Variants in PARD3B observed in about 807,000 individuals in gnomAD.
PARD3B encodes the protein partitioning defective 3 homolog B.
Under a neutral mutation model 130.2 loss-of-function variants are expected in PARD3B, and 103 were observed. The ratio of observed to expected loss-of-function variants is 0.79; its 90% CI spans 0.67 to 0.93. The LOEUF (loss-of-function observed/expected upper bound fraction) is 0.93, where lower values mean the gene tolerates loss of function less well. PARD3B is among the 40% of genes least tolerant of loss of function. The pLI, the probability that PARD3B is intolerant of heterozygous loss-of-function variation, is 0.00. For missense variants in PARD3B, 1,609 were observed against 1,499.2 expected, an observed-to-expected ratio of 1.07 and a Z score of -1.21; for synonymous variants, 583 against 553.2, an observed-to-expected ratio of 1.05 and a Z score of -0.76.
intron 20 of PARD3B, among the ~76,000 whole-genome samples, chr2:205,441,733 A>T (rs564396795): frequency 6.6e-6 from 1 of 152,280 alleles, no homozygotes; most frequent in South Asian, 2.1e-4. Flanking sequence ...AAATCATGGC[A>T]TTTTTATGCA....
intron 1 of PARD3B, among the ~76,000 whole-genome samples, chr2:204,632,903 C>T (rs556225537): frequency 1.1e-4 from 16 of 152,332 alleles, no homozygotes; most frequent in African/African-American, 2.6e-4. Context: ...TTGTTCCCCT[C>T]GGTGAGTGCC....
At chr2:204,808,727 C>T (rs953929216) in intron 2 of PARD3B, among the ~76,000 whole-genome samples, 10 of 152,092 alleles carry the variant, frequency 6.6e-5, no homozygotes, top group Non-Finnish European at 1.0e-4. Context: ...TGTATCCAGT[C>T]TGTGATGATA....
At position 205,460,387 on chromosome 2, in the gene PARD3B, T is replaced by C. The variant is rs2048409572; in HGVS notation, c.3044+19715T>C. On this transcript the variant is annotated intron_variant, in intron 20 of 22. Transcript: ENST00000406610. The surrounding 1 kb of genome is among the most constrained non-coding windows in gnomAD (Gnocchi z 4.9). ...ATGAGGATTATCAAGACTAAGGATG[T>C]TGATAGTGATGATGATGATGATGAT... Among the ~76,000 whole-genome samples the C allele has an allele frequency of 7.5e-6, 1 of 133,052 alleles. No individual in the cohort carries two copies. The highest frequency in any genetic ancestry group is 1.6e-5 in the Non-Finnish European group (1 of 63,194). 87.3% of individuals were successfully genotyped at this position (133,052 alleles called of 152,430 possible).
Position 205,525,068 on chromosome 2 carries a change from G to A in PARD3B, c.3180+25037G>A, listed in dbSNP as rs960488592. On this transcript the variant is annotated intron_variant, in intron 21 of 22. Coordinates refer to ENST00000406610, the MANE Select transcript of PARD3B (RefSeq NM_001302769.2). This position sits in a 1 kb window ranked among gnomAD's most constrained non-coding sequence, Gnocchi z 4.2. ...AGTGATGAACCATGGCAAGAACCAG[G>A]ACAGTTTTATTGCCTCACAAAGGCT... is the stretch of plus-strand genomic sequence containing the variant. Among the ~76,000 whole-genome samples, 4 of 152,180 alleles carry A rather than the reference G, an allele frequency of 2.6e-5. No homozygotes were observed. Among genetic ancestry groups the A allele is most frequent in the African/African-American group, 9.7e-5 (4 of 41,430 alleles).
At chr2:205,095,637 G>C (rs1702349807) in intron 4 of PARD3B, among the ~76,000 whole-genome samples, 1 of 152,106 alleles carries the variant, frequency 6.6e-6, no homozygotes, top group Non-Finnish European at 1.5e-5. Context: ...TCTCACAAAT[G>C]AAACAGAATT....
intron 4 of PARD3B, among the ~76,000 whole-genome samples, chr2:205,054,301 C>T (rs1387682211): frequency 6.7e-6 from 1 of 149,186 alleles, no homozygotes. Context: ...GTGTGCTCCC[C>T]GATTTTTCTT....
chr2:205,203,975 G>C (rs1345135515), intron 15 of PARD3B, among the ~76,000 whole-genome samples: 2 of 152,114 alleles, frequency 1.3e-5, no homozygotes, highest in Non-Finnish European at 2.9e-5. Flanking sequence ...CCCAGTAATG[G>C]GATGGCTGGG....
At chr2:204,560,983 G>A (rs193095387) in intron 1 of PARD3B, among the ~76,000 whole-genome samples, 257 of 152,122 alleles carry the variant, frequency 1.7e-3, no homozygotes, top group African/African-American at 6.0e-3. Context: ...GGGAGAGGGC[G>A]CAGTCTCTGA....
intron 18 of PARD3B, among the ~76,000 whole-genome samples, chr2:205,333,145 G>A (rs761696163): frequency 6.6e-6 from 1 of 152,062 alleles, no homozygotes; most frequent in Non-Finnish European, 1.5e-5. Context: ...AAAGGAGAGG[G>A]ACTGAATCTG....
At chr2:205,442,389 C>G (rs2047749079) in intron 20 of PARD3B, among the ~76,000 whole-genome samples, 1 of 149,568 alleles carries the variant, frequency 6.7e-6, no homozygotes, top group Admixed American at 6.7e-5. Context: ...ACCTCTGCCT[C>G]CTAGTTTTGA....
chr2:205,283,788 C>T (rs189660493), intron 16 of PARD3B, among the ~76,000 whole-genome samples: 33 of 152,246 alleles, frequency 2.2e-4, no homozygotes, highest in Admixed American at 1.8e-3. Context: ...TGAATACATT[C>T]ACATTGTTGT....
At chr2:204,686,111 C>G in intron 1 of PARD3B, 70 bp from the exon 2 acceptor site, 2 of 1,080,260 alleles carry the variant, frequency 1.9e-6, no homozygotes, top group South Asian at 2.7e-5. Flanking sequence ...ACTTATGTCT[C>G]TTAACATTAA....
chr2:204,977,811 C>CAAA (rs35974349), intron 3 of PARD3B, among the ~76,000 whole-genome samples: 166 of 58,322 alleles, frequency 2.8e-3, no homozygotes, highest in Middle Eastern at 0.012. Context: ...GACTCCGGCT[C>CAAA]AAAAAAAAAA....
chr2:205,093,795 A>G (rs958583186), intron 4 of PARD3B, among the ~76,000 whole-genome samples: 15 of 152,222 alleles, frequency 9.9e-5, no homozygotes, highest in African/African-American at 2.9e-4. Flanking sequence ...GTATTTAAAT[A>G]GAAATGCATG....
intron 2 of PARD3B, among the ~76,000 whole-genome samples, chr2:204,859,559 G>A (rs2045100967): frequency 6.6e-6 from 1 of 152,184 alleles, no homozygotes; most frequent in Non-Finnish European, 1.5e-5. Context: ...CATTTGGGTA[G>A]AACAATATAA....
intron 18 of PARD3B, among the ~76,000 whole-genome samples, chr2:205,379,483 T>A (rs1181418613): frequency 3.9e-5 from 6 of 151,976 alleles, no homozygotes; most frequent in East Asian, 1.9e-4. Context: ...GGGTTTTTTT[T>A]AAAAAAAAAG....
At chr2:205,285,280 C>T (rs1011976123) in intron 16 of PARD3B, among the ~76,000 whole-genome samples, 1 of 152,034 alleles carries the variant, frequency 6.6e-6, no homozygotes, top group Admixed American at 6.6e-5. Context: ...TAAAGATTAG[C>T]TATCATTATT....
chr2:205,328,628 C>T (rs959059927), intron 18 of PARD3B, among the ~76,000 whole-genome samples: 2 of 152,078 alleles, frequency 1.3e-5, no homozygotes, highest in African/African-American at 2.4e-5. Context: ...CTTGCTAGTT[C>T]ACTGTTCTTT....
intron 21 of PARD3B, among the ~76,000 whole-genome samples, chr2:205,546,145 C>CTGAT (rs2052368972): frequency 1.3e-5 from 2 of 152,200 alleles, no homozygotes; most frequent in African/African-American, 4.8e-5. Flanking sequence ...CCAAGCCCTC[C>CTGAT]TGATAGGCTT....
Sources: allele counts gnomAD v4.1 joint callset (sites outside exome capture counted in the v4.1 genomes callset), GRCh38; gene constraint gnomAD v4.1.1; non-coding constraint Gnocchi (gnomAD v3.1); transcripts MANE v1.5; gene names NCBI Gene and HGNC (gene_info 2026-07-23, HGNC 2026-07-21).